Variants in GPR158 observed in about 807,000 individuals in gnomAD.
GPR158 encodes G protein-coupled receptor 158, also known as metabotropic glycine receptor.
GPR158 carries 30 observed loss-of-function variants against 78.2 expected under a neutral mutation model. The ratio of observed to expected loss-of-function variants is 0.38; its 90% CI spans 0.29 to 0.52. GPR158 has a LOEUF of 0.52. GPR158 is among the 20% of genes least tolerant of loss of function. GPR158 has a pLI of 0.83. For missense variants in GPR158, 1,463 were observed against 1,523.5 expected (o/e 0.96, Z 0.66); for synonymous variants, 581 against 591.1 (o/e 0.98, Z 0.25).
intron 7 of GPR158, among the ~76,000 whole-genome samples, chr10:25,587,378 GA>G: frequency 6.6e-6 from 1 of 152,334 alleles, no homozygotes; most frequent in South Asian, 2.1e-4. Context: ...ATGAGCCCTT[GA>G]AAAATAATTT....
chr10:25,291,091 T>A (rs980095167), intron 2 of GPR158, among the ~76,000 whole-genome samples: 3 of 152,080 alleles, frequency 2.0e-5, no homozygotes, highest in African/African-American at 7.2e-5. Flanking sequence ...TTCTATATTA[T>A]AATTTTTGTA....
intron 2 of GPR158, among the ~76,000 whole-genome samples, chr10:25,342,958 G>A (rs191448036): frequency 2.1e-4 from 32 of 151,748 alleles, no homozygotes; most frequent in Admixed American, 1.3e-3. Flanking sequence ...TTTCACCTAA[G>A]GAAAGAGTTG....
chr10:25,379,010 C>T (rs1588835444), intron 2 of GPR158, among the ~76,000 whole-genome samples: 1 of 152,006 alleles, frequency 6.6e-6, no homozygotes, highest in African/African-American at 2.4e-5. Context: ...AGGCTGGTCT[C>T]AAAGTCCAGA....
chr10:25,309,054 T>C (rs1854724758), intron 2 of GPR158, among the ~76,000 whole-genome samples: 1 of 152,216 alleles, frequency 6.6e-6, no homozygotes, highest in African/African-American at 2.4e-5. Flanking sequence ...CTTTTATTTT[T>C]TGGTGGGTGT....
chr10:25,239,197 G>T (rs1212284591), intron 2 of GPR158, among the ~76,000 whole-genome samples: 1 of 152,076 alleles, frequency 6.6e-6, no homozygotes, highest in Non-Finnish European at 1.5e-5. Context: ...TCTTTAAATT[G>T]GATGAGCTGC....
chr10:25,463,343 T>C (rs2130614084), intron 4 of GPR158, among the ~76,000 whole-genome samples: 1 of 152,316 alleles, frequency 6.6e-6, no homozygotes, highest in South Asian at 2.1e-4. Flanking sequence ...ATTTTGATAC[T>C]TGATTTATTG....
At chr10:25,489,071 G>A (rs1460910558) in intron 5 of GPR158, among the ~76,000 whole-genome samples, 1 of 152,024 alleles carries the variant, frequency 6.6e-6, no homozygotes, top group African/African-American at 2.4e-5. Flanking sequence ...TTGAAGTCAG[G>A]GGAGAAAAGT....
At chr10:25,270,997 T>C (rs1012940171) in intron 2 of GPR158, among the ~76,000 whole-genome samples, 1 of 152,240 alleles carries the variant, frequency 6.6e-6, no homozygotes, top group Admixed American at 6.5e-5. Context: ...TTAAAAATCT[T>C]CATCTCATAC....
chr10:25,527,950 A>G (rs911819259), intron 5 of GPR158, among the ~76,000 whole-genome samples: 1 of 152,146 alleles, frequency 6.6e-6, no homozygotes, highest in African/African-American at 2.4e-5. Context: ...GATGAAATGG[A>G]CAATCTTTTT....
At chr10:25,244,455 T>C (rs1204386253) in intron 2 of GPR158, 1 of 152,204 alleles carries the variant, frequency 6.6e-6, no homozygotes, top group Non-Finnish European at 1.5e-5. Context: ...GTGCTACCTA[T>C]GTGGATATAC....
At chr10:25,567,740 A>G (rs551018950) in intron 6 of GPR158, among the ~76,000 whole-genome samples, 25 of 152,272 alleles carry the variant, frequency 1.6e-4, no homozygotes, top group African/African-American at 4.8e-4. Context: ...GAAGTGTTTT[A>G]CCATACTAAA....
At chr10:25,476,137 C>G (rs1265849389) in intron 5 of GPR158, among the ~76,000 whole-genome samples, 3 of 152,064 alleles carry the variant, frequency 2.0e-5, no homozygotes, top group African/African-American at 7.2e-5. Context: ...CTTACAGATT[C>G]TCAAAAGAGA....
intron 2 of GPR158, among the ~76,000 whole-genome samples, chr10:25,337,387 T>C (rs1239469564): frequency 2.0e-5 from 3 of 152,128 alleles, no homozygotes; most frequent in African/African-American, 4.8e-5. Flanking sequence ...CTTTGAATGT[T>C]ATGTTTAGAT....
At chr10:25,334,644 T>C (rs1855172702) in intron 2 of GPR158, among the ~76,000 whole-genome samples, 1 of 152,046 alleles carries the variant, frequency 6.6e-6, no homozygotes, top group African/African-American at 2.4e-5. Context: ...CTAGTTATGA[T>C]TGTTACAGAA....
intron 2 of GPR158, among the ~76,000 whole-genome samples, chr10:25,390,456 A>G (rs989210561): frequency 1.3e-5 from 2 of 152,226 alleles, no homozygotes; most frequent in Non-Finnish European, 2.9e-5. Context: ...GAACTGGAGC[A>G]AAGGTGATTC....
At chr10:25,541,754 A>G (rs1836588003) in intron 5 of GPR158, among the ~76,000 whole-genome samples, 1 of 151,818 alleles carries the variant, frequency 6.6e-6, no homozygotes, top group South Asian at 2.1e-4. Context: ...GAGGTTACAC[A>G]CAAGGTTTAG....
At chr10:25,441,705 C>G (rs1187050336) in intron 4 of GPR158, among the ~76,000 whole-genome samples, 1 of 152,148 alleles carries the variant, frequency 6.6e-6, no homozygotes, top group South Asian at 2.1e-4. Context: ...GAATCATTGA[C>G]TTATAACCTT....
chr10:25,283,308 T>C (rs1854301948), intron 2 of GPR158, among the ~76,000 whole-genome samples: 1 of 152,088 alleles, frequency 6.6e-6, no homozygotes, highest in Non-Finnish European at 1.5e-5. Context: ...ATTTTCTTAT[T>C]CTTTTAATGT....
chr10:25,280,354 G>A (rs1190835266), intron 2 of GPR158, among the ~76,000 whole-genome samples: 1 of 152,086 alleles, frequency 6.6e-6, no homozygotes, highest in Non-Finnish European at 1.5e-5. Flanking sequence ...AGACTTGAAG[G>A]CAAAAAGAAC....
Sources: gnomAD v4.1 joint callset for allele counts (sites outside exome capture counted in the v4.1 genomes callset) on GRCh38, gnomAD v4.1.1 for gene constraint, MANE v1.5 for transcripts, NCBI Gene and HGNC (gene_info 2026-07-23, HGNC 2026-07-21) for gene names.